Variants in ACOT7 observed in about 807,000 individuals in gnomAD.
ACOT7 encodes acyl-CoA thioesterase 7.
Under a neutral mutation model 40.2 loss-of-function variants are expected in ACOT7, and 12 were observed. The observed-to-expected ratio is 0.30, with a 90% CI of 0.19 to 0.48. ACOT7 has a LOEUF of 0.48. Among genes scored for constraint, ACOT7 ranks in the 20% least tolerant of loss-of-function variants. The pLI is 0.99. For missense variants in ACOT7, 395 were observed against 530.8 expected (o/e 0.74, Z 2.51); for synonymous variants, 228 against 219.5 (o/e 1.04, Z -0.34).
chr1:6,312,893 A>G (rs1640379434), intron 6 of ACOT7, among the ~76,000 whole-genome samples: 2 of 152,220 alleles, frequency 1.3e-5, no homozygotes, highest in Admixed American at 6.5e-5. Context: ...AAACTTTTTA[A>G]TTACATGAGG....
In ACOT7 at chr1:6,372,554, C is replaced by CTTTTTTTTT. The variant is rs563026803; in HGVS notation, c.143+20694_143+20702dup. ...AAGTTTAATCATGTCTAACTTTTGGCTTTTTTTTTTTTTTTTTTGAGAGTC... is the reference window on the plus strand; with the variant it reads ...AAGTTTAATCATGTCTAACTTTTGGCTTTTTTTTTTTTTTTTTTTTTTTTTTTGAGAGTC... On this transcript the variant is annotated intron_variant, in intron 1 of 8. Transcript: ENST00000361521. Among the ~76,000 whole-genome samples, 72 of 128,578 alleles carry CTTTTTTTTT rather than the reference C, an allele frequency of 5.6e-4. 2 individuals carry two copies. The highest frequency in any genetic ancestry group is 1.8e-3 in the African/African-American group (61 of 33,450). The allele number at this position is 128,578 out of a possible 152,430, so 84.4% of individuals were successfully genotyped here.
intron 1 of ACOT7, among the ~76,000 whole-genome samples, chr1:6,353,163 C>T (rs1455688819): frequency 1.3e-5 from 2 of 151,944 alleles, no homozygotes; most frequent in African/African-American, 4.8e-5. Context: ...CACCCGGCCC[C>T]TCTTTACTAT....
chr1:6,356,384 GCAGCACCCT>G (rs796908651), intron 1 of ACOT7, among the ~76,000 whole-genome samples: 18 of 152,232 alleles, frequency 1.2e-4, no homozygotes, highest in African/African-American at 3.1e-4. Context: ...GGCAGCAGCG[GCAGCACCCT>G]CAGCACCCTC....
At chr1:6,345,372 A>G (rs1004041657) in intron 2 of ACOT7, among the ~76,000 whole-genome samples, 1 of 152,250 alleles carries the variant, frequency 6.6e-6, no homozygotes, top group Admixed American at 6.5e-5. Flanking sequence ...GCCTAAAAGA[A>G]CAGCTCTGGG....
intron 1 of ACOT7, among the ~76,000 whole-genome samples, chr1:6,366,651 A>G (rs1462492993): frequency 6.6e-6 from 1 of 151,526 alleles, no homozygotes; most frequent in Admixed American, 6.6e-5. Flanking sequence ...TACCCACAGT[A>G]GAACTTACTT....
intron 1 of ACOT7, among the ~76,000 whole-genome samples, chr1:6,354,977 A>G (rs909082269): frequency 6.6e-6 from 1 of 151,616 alleles, no homozygotes. Context: ...GGCCTTTCCC[A>G]TCTACAGAAT....
At chr1:6,383,264 T>G (rs1056276806) in intron 1 of ACOT7, among the ~76,000 whole-genome samples, 3 of 149,910 alleles carry the variant, frequency 2.0e-5, no homozygotes, top group African/African-American at 7.4e-5. Flanking sequence ...CTCAGCTCAC[T>G]GCAAGCTCCG....
At chr1:6,385,875 G>A in intron 1 of ACOT7, 1 of 1,371,358 alleles carries the variant, frequency 7.3e-7, no homozygotes, top group Non-Finnish European at 9.6e-7. Flanking sequence ...ATCACAGGAT[G>A]TTCTCTACAA....
intron 6 of ACOT7, among the ~76,000 whole-genome samples, chr1:6,305,193 C>T (rs1310787231): frequency 4.0e-5 from 6 of 148,756 alleles, no homozygotes; most frequent in African/African-American, 1.0e-4. Context: ...GCTGGCCGGG[C>T]GGGGGGCTGT....
chr1:6,387,461 C>G (rs771077370), intron 1 of ACOT7, among the ~76,000 whole-genome samples: 1 of 152,182 alleles, frequency 6.6e-6, no homozygotes, highest in Non-Finnish European at 1.5e-5. Flanking sequence ...TGCTGAAGTA[C>G]TGTTCACATG....
At chr1:6,341,118 T>G (rs1446301576) in intron 2 of ACOT7, among the ~76,000 whole-genome samples, 1 of 151,932 alleles carries the variant, frequency 6.6e-6, no homozygotes, top group Non-Finnish European at 1.5e-5. Flanking sequence ...AATCTGCCCG[T>G]GTTGTGACAT....
At position 6,393,592 on chromosome 1, in the gene ACOT7, C is replaced by G; in HGVS notation, c.-193G>C. ...TCTGGCGGCGTGGGGGCCCAGGCAG[C>G]CGCCGCTTCCAGAAGGTTCGGTGGC... On this transcript the variant is annotated 5_prime_UTR_variant, in exon 1 of 9. Coordinates refer to ENST00000361521, the MANE Select transcript of ACOT7 (RefSeq NM_007274.4). The G allele has an allele frequency of 2.5e-6, 1 of 406,488 alleles. No individual in the cohort carries two copies. The highest frequency in any genetic ancestry group is 3.9e-6 in the Non-Finnish European group (1 of 254,564). 25.2% of individuals were successfully genotyped at this position (406,488 alleles called of 1,614,324 possible). A position where few individuals can be genotyped will look rare whatever the true frequency, so the allele number is the denominator to read the frequency against.
intron 1 of ACOT7, among the ~76,000 whole-genome samples, chr1:6,364,703 T>C (rs1348051950): frequency 7.0e-6 from 1 of 142,194 alleles, no homozygotes; most frequent in East Asian, 2.2e-4. Flanking sequence ...CAAAAATTAG[T>C]TGGGCGTGGT....
chr1:6,295,144 G>A (rs1170413075), intron 6 of ACOT7, 164 bp from the exon 7 acceptor site: 7 of 556,016 alleles, frequency 1.3e-5, no homozygotes, highest in East Asian at 6.0e-5. Flanking sequence ...TGTGGCTCAC[G>A]CGCTACATGG....
At position 6,330,044 on chromosome 1, in the gene ACOT7, C is replaced by T. The variant is rs554570651; in HGVS notation, c.511-2631G>A. Among the ~76,000 whole-genome samples the T allele has an allele frequency of 3.2e-4, 49 of 152,264 alleles. No homozygotes were observed. The highest frequency in any genetic ancestry group is 1.1e-3 in the African/African-American group (47 of 41,540). On this transcript the variant is annotated intron_variant, in intron 4 of 8. Coordinates refer to ENST00000361521, the MANE Select transcript of ACOT7 (RefSeq NM_007274.4). The surrounding 1 kb of genome is among the most constrained non-coding windows in gnomAD (Gnocchi z 4.6). ...GTTCCTCCAGGGAGACGCACACATC[C>T]AGGAAACCAGTGTGTGTGTGTGGTG...
intron 1 of ACOT7, among the ~76,000 whole-genome samples, chr1:6,383,189 A>G (rs1387175481): frequency 7.4e-6 from 1 of 135,788 alleles, no homozygotes; most frequent in African/African-American, 2.7e-5. Context: ...AAGATGGCAG[A>G]TTTTTTTTTT....
intron 1 of ACOT7, among the ~76,000 whole-genome samples, chr1:6,383,051 G>A (rs771275489): frequency 4.1e-5 from 6 of 147,716 alleles, no homozygotes; most frequent in South Asian, 2.1e-4. Flanking sequence ...GCTATTTTTC[G>A]TATTTGTAGT....
intron 1 of ACOT7, among the ~76,000 whole-genome samples, chr1:6,364,948 G>A (rs1230381775): frequency 2.6e-5 from 4 of 151,882 alleles, no homozygotes; most frequent in Admixed American, 6.6e-5. Flanking sequence ...GCTTAAACCC[G>A]GGAGGCAGAG....
At chr1:6,284,242 C>T (rs1166131049) in intron 7 of ACOT7, among the ~76,000 whole-genome samples, 1 of 152,144 alleles carries the variant, frequency 6.6e-6, no homozygotes, top group Non-Finnish European at 1.5e-5. Flanking sequence ...GACCAGCTCC[C>T]ACCCCCAGGG....
Sources: gnomAD v4.1 joint callset for allele counts (sites outside exome capture counted in the v4.1 genomes callset) on GRCh38, gnomAD v4.1.1 for gene constraint, Gnocchi (gnomAD v3.1) non-coding constraint, MANE v1.5 for transcripts, NCBI Gene and HGNC (gene_info 2026-07-23, HGNC 2026-07-21) for gene names.